The following WDFY3 variants were observed in gnomAD, a reference collection of about 807,000 sequenced individuals.
WDFY3 encodes WD repeat and FYVE domain-containing protein 3.
Under a neutral mutation model 409.6 loss-of-function variants are expected in WDFY3, and 66 were observed. That is an observed-to-expected ratio of 0.16 (90% CI 0.13 to 0.20). The LOEUF (loss-of-function observed/expected upper bound fraction) is 0.20, where lower values mean the gene tolerates loss of function less well. WDFY3 is among the 10% of genes least tolerant of loss of function. The probability of loss-of-function intolerance (pLI) is 1.00; values close to 1 mark genes in which losing one functional copy is unlikely to be tolerated. For synonymous variants in WDFY3, 1,521 were observed against 1,537.1 expected (o/e 0.99, Z 0.25); for missense variants, 3,031 against 4,298.1 (o/e 0.71, Z 8.24).
At chr4:84,831,698 C>A in intron 7 of WDFY3, 93 bp from the exon 8 acceptor site, 2 of 1,124,494 alleles carry the variant, frequency 1.8e-6, no homozygotes, top group Non-Finnish European at 2.5e-6. Context: ...GGACTGCTCT[C>A]AAAAGAAGAC....
At chr4:84,942,251 T>C (rs79980843) in intron 1 of WDFY3, among the ~76,000 whole-genome samples, 10,011 of 151,848 alleles carry the variant, frequency 0.066, 449 homozygotes, top group Admixed American at 0.12. Context: ...GTTATAAAAA[T>C]GAAATTAAGC....
In WDFY3 at chr4:84,718,586, C is replaced by T; in HGVS notation, c.7606-16G>A. ...TGTGTTGGATCTATAAAGAAGCCCA[C>T]AAACATTCATTAATATAGGCTTTTT... On this transcript the variant is annotated splice_polypyrimidine_tract_variant and intron_variant, in intron 47 of 67. Transcript: ENST00000295888. 1 of 1,601,902 alleles carries T rather than the reference C, an allele frequency of 6.2e-7. No homozygotes were observed. Among genetic ancestry groups the T allele is most frequent in the Non-Finnish European group, 8.5e-7 (1 of 1,175,458 alleles).
At chr4:84,857,382 T>C (rs1759909797) in intron 4 of WDFY3, among the ~76,000 whole-genome samples, 1 of 152,094 alleles carries the variant, frequency 6.6e-6, no homozygotes, top group Admixed American at 6.6e-5. Flanking sequence ...ATGGGATACA[T>C]ATATATGTAG....
intron 64 of WDFY3, among the ~76,000 whole-genome samples, 171 bp from the exon 65 acceptor site, chr4:84,679,413 G>C (rs933422052): frequency 3.3e-5 from 5 of 152,128 alleles, no homozygotes; most frequent in Non-Finnish European, 7.4e-5. Flanking sequence ...AGAGTACAGA[G>C]AGCAAAGAAA....
Position 84,726,944 on chromosome 4 carries a change from G to GA in WDFY3, c.7222-34dup, listed in dbSNP as rs201461558. ...CAGGGTATTAAGTATAGACATATCA[G>GA]AAAAAAAAACATAAAGAGGAACACA... On this transcript the variant is annotated intron_variant, in intron 44 of 67. Coordinates refer to ENST00000295888, the MANE Select transcript of WDFY3 (RefSeq NM_014991.6). 5,754 of 1,478,396 alleles carry GA rather than the reference G, an allele frequency of 3.9e-3. 2 individuals are homozygous for GA. The highest frequency in any genetic ancestry group is 0.01 in the African/African-American group (701 of 69,080). 91.6% of individuals were successfully genotyped at this position (1,478,396 alleles called of 1,614,324 possible).
At chr4:84,918,815 G>GTATATATATATAGATATATA (rs1768856280) in intron 2 of WDFY3, among the ~76,000 whole-genome samples, 1 of 138,336 alleles carries the variant, frequency 7.2e-6, no homozygotes, top group Admixed American at 7.6e-5. Context: ...GTGTGTGTGT[G>GTATATATATATAGATATATA]TATATATATA....
intron 64 of WDFY3, 70 bp from the exon 65 acceptor site, chr4:84,679,312 TA>T (rs1726920772): frequency 7.1e-7 from 1 of 1,405,088 alleles, no homozygotes; most frequent in Non-Finnish European, 9.4e-7. Context: ...GTTCTGCTAG[TA>T]TTTTTTTTCT....
At chr4:84,950,905 G>A (rs1056470323) in intron 1 of WDFY3, among the ~76,000 whole-genome samples, 1 of 152,226 alleles carries the variant, frequency 6.6e-6, no homozygotes, top group Non-Finnish European at 1.5e-5. Context: ...AGCTTATACT[G>A]CAATACAATC....
intron 3 of WDFY3, among the ~76,000 whole-genome samples, chr4:84,887,524 A>C (rs1561006714): frequency 6.6e-6 from 1 of 152,198 alleles, no homozygotes; most frequent in Non-Finnish European, 1.5e-5. Flanking sequence ...TTAATCCCTA[A>C]GGAACTCTCA....
At chr4:84,790,031 G>T in intron 21 of WDFY3, 124 bp from the exon 22 acceptor site, 4 of 1,056,210 alleles carry the variant, frequency 3.8e-6, no homozygotes, top group African/African-American at 1.6e-5. Context: ...ACTGATTTGA[G>T]TAATAATACA....
chr4:84,840,094 G>A (rs1438017650), intron 6 of WDFY3, among the ~76,000 whole-genome samples: 1 of 152,156 alleles, frequency 6.6e-6, no homozygotes, highest in Non-Finnish European at 1.5e-5. Flanking sequence ...AAAGTCCACT[G>A]TAACTTAGAC....
chr4:84,711,667 A>G (rs1432282128), intron 51 of WDFY3, among the ~76,000 whole-genome samples: 2 of 152,032 alleles, frequency 1.3e-5, no homozygotes, highest in Non-Finnish European at 2.9e-5. Context: ...CCTGGCCAAT[A>G]TGGTGAAACC....
At chr4:84,796,153 T>C (rs1189424522) in intron 19 of WDFY3, among the ~76,000 whole-genome samples, 1 of 151,692 alleles carries the variant, frequency 6.6e-6, no homozygotes, top group African/African-American at 2.4e-5. Context: ...GTCTCCATCA[T>C]GACTACTCAA....
chr4:84,685,005 T>C (rs574914949), intron 62 of WDFY3, among the ~76,000 whole-genome samples: 114 of 152,334 alleles, frequency 7.5e-4, no homozygotes, highest in African/African-American at 2.7e-3. Context: ...GGGCAAAGAA[T>C]TTAAGTAACT....
intron 4 of WDFY3, among the ~76,000 whole-genome samples, chr4:84,854,659 C>T (rs1201653269): frequency 6.6e-6 from 1 of 152,148 alleles, no homozygotes; most frequent in Non-Finnish European, 1.5e-5. Flanking sequence ...CCTTTAATCC[C>T]AGCACTTTGG....
At chr4:84,948,818 C>T (rs1260383612) in intron 1 of WDFY3, among the ~76,000 whole-genome samples, 1 of 152,126 alleles carries the variant, frequency 6.6e-6, no homozygotes, top group Non-Finnish European at 1.5e-5. Flanking sequence ...TTTAAATTCC[C>T]AATCCCAAGG....
rs552929226 is a variant in WDFY3, at chr4:84,730,995, C to T, written c.7221+2387G>A. Among the ~76,000 whole-genome samples the T allele has an allele frequency of 1.1e-4, 16 of 152,246 alleles. 1 individual carries two copies. In the South Asian group the frequency reaches 3.3e-3, roughly 32 times the overall value. On this transcript the variant is annotated intron_variant, in intron 44 of 67. Coordinates refer to ENST00000295888, the MANE Select transcript of WDFY3 (RefSeq NM_014991.6). ...TATTTTTAGTAGAGACAGGGTTTCT[C>T]CATGTTGGTCAGGATGGTCTCGAAC...
intron 2 of WDFY3, among the ~76,000 whole-genome samples, chr4:84,928,255 T>C (rs1770268368): frequency 6.6e-6 from 1 of 152,134 alleles, no homozygotes; most frequent in Non-Finnish European, 1.5e-5. Flanking sequence ...CTCTCCCTCC[T>C]CCGTGCTTGA....
intron 2 of WDFY3, among the ~76,000 whole-genome samples, chr4:84,923,004 G>A (rs10516733): frequency 0.073 from 11,071 of 152,276 alleles, 585 homozygotes; most frequent in African/African-American, 0.13. Context: ...GACACATGCT[G>A]TGAGATCTTT....
Sources: allele counts gnomAD v4.1 joint callset (sites outside exome capture counted in the v4.1 genomes callset), GRCh38; gene constraint gnomAD v4.1.1; transcripts MANE v1.5; gene names NCBI Gene and HGNC (gene_info 2026-07-23, HGNC 2026-07-21).